The following LAMA1 variants were observed in gnomAD, a reference collection of about 807,000 sequenced individuals.
The protein encoded by LAMA1 is laminin subunit alpha 1.
In LAMA1, 219 loss-of-function variants were observed where a neutral mutation model predicts 348.7. The ratio of observed to expected loss-of-function variants is 0.63; its 90% CI spans 0.56 to 0.70. LAMA1 has a LOEUF of 0.70. Among genes scored for constraint, LAMA1 ranks in the 30% least tolerant of loss-of-function variants. The pLI, the probability that LAMA1 is intolerant of heterozygous loss-of-function variation, is 0.00. For synonymous variants in LAMA1, 1,487 were observed against 1,491.0 expected, an observed-to-expected ratio of 1.00 and a Z score of 0.06; for missense variants, 3,744 against 3,888.0, an observed-to-expected ratio of 0.96 and a Z score of 0.99.
At chr18:7,026,278 T>A (rs188465800) in intron 16 of LAMA1, among the ~76,000 whole-genome samples, 172 bp from the exon 17 acceptor site, 3 of 152,254 alleles carry the variant, frequency 2.0e-5, no homozygotes, top group Middle Eastern at 3.4e-3. Flanking sequence ...TATCAGCAAG[T>A]GTAATTTGTA....
intron 40 of LAMA1, 99 bp downstream of exon 40, chr18:6,983,000 T>C (rs2057718756): frequency 6.8e-7 from 1 of 1,468,844 alleles, no homozygotes; most frequent in African/African-American, 1.4e-5. Flanking sequence ...CAGAAAAGAA[T>C]GTTAATAGGC....
At chr18:7,002,881 CTTTCT>C (rs2057814253) in intron 29 of LAMA1, among the ~76,000 whole-genome samples, 1 of 135,204 alleles carries the variant, frequency 7.4e-6, no homozygotes, top group African/African-American at 3.0e-5. Flanking sequence ...TAATTTTTTT[CTTTCT>C]TTTTTTTTTT....
chr18:6,956,430 A>G (rs750681233), intron 56 of LAMA1: 2 of 779,156 alleles, frequency 2.6e-6, no homozygotes, highest in South Asian at 1.4e-5. Context: ...GGGGCCTACA[A>G]TCTATGGATT....
intron 34 of LAMA1, among the ~76,000 whole-genome samples, 199 bp from the exon 35 acceptor site, chr18:6,993,951 A>G (rs1431110412): frequency 6.6e-6 from 1 of 152,232 alleles, no homozygotes; most frequent in Non-Finnish European, 1.5e-5. Flanking sequence ...AGTTAATGAA[A>G]TAATTTACAA....
chr18:7,085,710 T>A (rs574378871), intron 1 of LAMA1, among the ~76,000 whole-genome samples: 33 of 152,164 alleles, frequency 2.2e-4, no homozygotes, highest in South Asian at 1.2e-3. Context: ...GAGCCACCGC[T>A]CCTGGCCTAT....
In LAMA1 at chr18:7,023,189, G is replaced by A. The variant is rs117614901; in HGVS notation, c.2676C>T (p.Asp892=). The A allele has an allele frequency of 3.4e-5, 55 of 1,613,012 alleles. No individual in the cohort carries two copies. The East Asian group carries it at 6.5e-4, about 19-fold the overall frequency. ...CGCGGCAGTTCTTGGCTGTCACAGC[G>A]TCCCCATAGAACCCGTCAGCACACC... ...CERCADGFYG[D]AVTAKNCRAC... The change falls in exon 19 of 63, where the codon GAC becomes GAT. Residue 892 remains aspartate (D), a synonymous_variant. Coordinates refer to ENST00000389658, the MANE Select transcript of LAMA1 (RefSeq NM_005559.4).
chr18:7,046,726 G>A (rs753246900), intron 5 of LAMA1, among the ~76,000 whole-genome samples: 2 of 152,146 alleles, frequency 1.3e-5, no homozygotes, highest in African/African-American at 2.4e-5. Context: ...ACCCTAGAAT[G>A]CAAAGTTAAT....
intron 30 of LAMA1, among the ~76,000 whole-genome samples, chr18:7,001,483 T>G (rs565768935): frequency 4.7e-4 from 71 of 152,296 alleles, no homozygotes; most frequent in Admixed American, 6.5e-4. Context: ...AATTTTAGGA[T>G]GCTTCATAGC....
chr18:6,950,004 C>T (rs574237359), intron 58 of LAMA1, among the ~76,000 whole-genome samples: 2 of 152,184 alleles, frequency 1.3e-5, no homozygotes, highest in Non-Finnish European at 2.9e-5. Context: ...GTTATACCTT[C>T]TCCAATTGCC....
intron 1 of LAMA1, among the ~76,000 whole-genome samples, chr18:7,099,086 AG>A (rs2058279901): frequency 1.3e-5 from 2 of 151,864 alleles, no homozygotes; most frequent in Non-Finnish European, 2.9e-5. Context: ...TGTAGAAAGA[AG>A]TAGACATGGG....
At chr18:6,977,261 T>C (rs2057686847) in intron 44 of LAMA1, among the ~76,000 whole-genome samples, 1 of 152,232 alleles carries the variant, frequency 6.6e-6, no homozygotes, top group Non-Finnish European at 1.5e-5. Context: ...CTTCGTTGCA[T>C]ACAAACTGTT....
chr18:6,967,509 T>C (rs544353499), intron 48 of LAMA1, among the ~76,000 whole-genome samples: 1 of 152,274 alleles, frequency 6.6e-6, no homozygotes, highest in South Asian at 2.1e-4. Flanking sequence ...TGTGTGCCCT[T>C]TCCTTCAGCT....
intron 1 of LAMA1, among the ~76,000 whole-genome samples, chr18:7,098,507 T>A (rs528420184): frequency 7.0e-6 from 1 of 143,644 alleles, no homozygotes; most frequent in African/African-American, 2.6e-5. Flanking sequence ...CGCCGCCCCG[T>A]CTGGGATGTG....
Position 7,016,599 on chromosome 18 carries a change from C to T in LAMA1, c.2881G>A (p.Asp961Asn). Residue 961 changes from aspartate (D) to asparagine (N), a missense_variant, in exon 21 of 63, where the codon GAT becomes AAT. Coordinates refer to ENST00000389658, the MANE Select transcript of LAMA1 (RefSeq NM_005559.4). ...CACTGGCCTTCATCCGTGCAGCCATCTGACACGGAGCCTGCCACGCTGCAG... is the reference window on the plus strand; with the variant it reads ...CACTGGCCTTCATCCGTGCAGCCATTTGACACGGAGCCTGCCACGCTGCAG... Reference protein sequence around the residue: ...CNCSVAGSVSDGCTDEGQCHC... With the variant: ...CNCSVAGSVSNGCTDEGQCHC... 6.2e-7 allele frequency: 1 copy of T among 1,614,206 alleles called. No individual in the cohort carries two copies. The highest frequency in any genetic ancestry group is 8.5e-7 in the Non-Finnish European group (1 of 1,180,036).
intron 51 of LAMA1, among the ~76,000 whole-genome samples, chr18:6,962,833 T>A (rs1195712598): frequency 3.3e-5 from 5 of 152,202 alleles, no homozygotes; most frequent in African/African-American, 9.6e-5. Flanking sequence ...GTAACTGTAT[T>A]TGGTGAAGTC....
chr18:7,086,850 A>G (rs948653360), intron 1 of LAMA1, among the ~76,000 whole-genome samples: 2 of 152,122 alleles, frequency 1.3e-5, no homozygotes, highest in South Asian at 2.1e-4. Flanking sequence ...GAGTATCTCT[A>G]TGAGTCCTTT....
chr18:6,969,158 G>A (rs2057647113), intron 48 of LAMA1, among the ~76,000 whole-genome samples: 1 of 150,590 alleles, frequency 6.6e-6, no homozygotes, highest in African/African-American at 2.4e-5. Context: ...TTTTTTTTGA[G>A]ACAGGATCTC....
At chr18:7,047,887 C>G (rs1283823360) in intron 5 of LAMA1, among the ~76,000 whole-genome samples, 1 of 151,896 alleles carries the variant, frequency 6.6e-6, no homozygotes, top group African/African-American at 2.4e-5. Context: ...AAAATTAATA[C>G]AAAATGAATT....
At position 7,050,648 on chromosome 18, in the gene LAMA1, ACT is replaced by A. The variant is rs1330827526; in HGVS notation, c.588+44_588+45del. 3 of 1,612,126 alleles carry A rather than the reference ACT, an allele frequency of 1.9e-6. No individual in the cohort carries two copies. In the Admixed American group the frequency reaches 5.0e-5, roughly 27 times the overall value. ...TCAATTTTGAGTCTGAGACAGGGAGACTCTGATGAGGAAACAGATCTTGCTGC... is the reference window on the plus strand; with the variant it reads ...TCAATTTTGAGTCTGAGACAGGGAGACTGATGAGGAAACAGATCTTGCTGC... On this transcript the variant is annotated intron_variant, in intron 4 of 62. Transcript: ENST00000389658.
Sources: gnomAD v4.1 joint callset for allele counts (sites outside exome capture counted in the v4.1 genomes callset) on GRCh38, gnomAD v4.1.1 for gene constraint, MANE v1.5 for transcripts, NCBI Gene and HGNC (gene_info 2026-07-23, HGNC 2026-07-21) for gene names.